Variants in EQTN observed in about 807,000 individuals in gnomAD.
EQTN encodes the protein equatorin.
Under a neutral mutation model 26.9 loss-of-function variants are expected in EQTN, and 29 were observed. That is an observed-to-expected ratio of 1.08 (90% CI 0.80 to 1.47). The LOEUF (loss-of-function observed/expected upper bound fraction) is 1.47. Among genes scored for constraint, EQTN ranks in the 40% most tolerant of loss-of-function variants. EQTN has a pLI of 0.00. For missense variants in EQTN, 391 were observed against 346.1 expected, an observed-to-expected ratio of 1.13 and a Z score of -1.03; for synonymous variants, 129 against 120.0, an observed-to-expected ratio of 1.07 and a Z score of -0.49.
chr9:27,292,426 G>C lies in EQTN; in HGVS notation c.351C>G (p.Ser117Arg). The part of the protein sequence containing the change: ...KSTIEEETTT[S>R]EPSHKNIQRS... ...TTTGAATATTTTTATGAGAGGGTTC[G>C]CTAGTAGTTGTTTCTTCTTCAATGG... Residue 117 changes from serine (S) to arginine (R), a missense_variant, in exon 4 of 8, where the codon AGC (serine) becomes AGG (arginine). Coordinates refer to ENST00000380032, the MANE Select transcript of EQTN (RefSeq NM_020641.3). 6.2e-7 allele frequency: 1 copy of C among 1,606,390 alleles called. No individual in the cohort carries two copies. The highest frequency in any genetic ancestry group is 8.5e-7 in the Non-Finnish European group (1 of 1,175,266).
Position 27,284,927 on chromosome 9 carries a change from G to A in EQTN, c.681C>T (p.Ala227=), listed in dbSNP as rs1372318899. 6.2e-7 allele frequency: 1 copy of A among 1,613,936 alleles called. No homozygotes were observed. The highest frequency in any genetic ancestry group is 8.5e-7 in the Non-Finnish European group (1 of 1,179,940). ...CTGATGGATGAAAGTAAGACATCGT[G>A]GCCAGCTCTGGGTTGACAGAGTACT... ...ESQYSVNPEL[A]TMSYFHPSEG... The change falls in exon 8 of 8, where the codon GCC becomes GCT. Residue 227 remains alanine (A), a synonymous_variant. Coordinates refer to ENST00000380032, the MANE Select transcript of EQTN (RefSeq NM_020641.3).
At chr9:27,295,175 C>G (rs1042251071) in intron 2 of EQTN, among the ~76,000 whole-genome samples, 5 of 152,126 alleles carry the variant, frequency 3.3e-5, no homozygotes, top group East Asian at 3.8e-4. Context: ...AATGTTCTCC[C>G]ACAAGATAAC....
intron 3 of EQTN, 143 bp from the exon 4 acceptor site, chr9:27,292,630 T>A: frequency 1.9e-6 from 1 of 530,446 alleles, no homozygotes; most frequent in Non-Finnish European, 3.2e-6. Context: ...ACATTAACAT[T>A]TTCCAGAAAT....
intron 1 of EQTN, 58 bp from the exon 2 acceptor site, chr9:27,296,796 T>C (rs1160524356): frequency 1.3e-6 from 2 of 1,580,650 alleles, no homozygotes; most frequent in Non-Finnish European, 1.7e-6. Context: ...TTTACTGCTT[T>C]CTTTTTCTAA....
At chr9:27,293,607 T>C (rs1820280416) in intron 3 of EQTN, among the ~76,000 whole-genome samples, 1 of 152,134 alleles carries the variant, frequency 6.6e-6, no homozygotes, top group Non-Finnish European at 1.5e-5. Context: ...CTTCCTTGGG[T>C]CCTGCAGTCT....
intron 3 of EQTN, among the ~76,000 whole-genome samples, chr9:27,292,899 T>TTAAG (rs1174607551): frequency 6.6e-6 from 1 of 152,158 alleles, no homozygotes; most frequent in Non-Finnish European, 1.5e-5. Flanking sequence ...AGGCTGAGTA[T>TTAAG]TAAGTGTGTT....
intron 2 of EQTN, 74 bp from the exon 3 acceptor site, chr9:27,294,476 T>A (rs1443735138): frequency 1.1e-6 from 1 of 872,868 alleles, no homozygotes; most frequent in Non-Finnish European, 1.7e-6. Context: ...TTCCTCTGAG[T>A]TTTTTTCTTA....
At chr9:27,287,420 A>G (rs1040611592) in intron 6 of EQTN, among the ~76,000 whole-genome samples, 6 of 152,200 alleles carry the variant, frequency 3.9e-5, no homozygotes, top group Admixed American at 6.5e-5. Context: ...AAGGGTTTTT[A>G]ATAAAGATGT....
At chr9:27,290,509 AATGCAT>A (rs1820213164) in intron 5 of EQTN, among the ~76,000 whole-genome samples, 1 of 152,266 alleles carries the variant, frequency 6.6e-6, no homozygotes, top group African/African-American at 2.4e-5. Context: ...TCACATATAC[AATGCAT>A]ATATTTCTGT....
Position 27,296,636 on chromosome 9 carries a change from T to C in EQTN, c.179A>G (p.Asn60Ser), listed in dbSNP as rs1348736537. ...ACATTGTTTTATATCTTTATAATAA[T>C]TGCCATTTTTCTCATTAGCAGGAGC... is the stretch of plus-strand genomic sequence containing the variant. ...NYAPANEKNG[N>S]YYKDIKQYVF... is the part of the protein sequence containing the mutation. The change falls in exon 2 of 8, where the codon AAT becomes AGT. Residue 60 changes from asparagine (N) to serine (S), a missense_variant. Asn to Ser is a conservative substitution (Grantham distance 46). Coordinates refer to ENST00000380032, the MANE Select transcript of EQTN (RefSeq NM_020641.3). The C allele has an allele frequency of 1.3e-6, 2 of 1,547,986 alleles. No homozygotes were observed. The highest frequency in any genetic ancestry group is 3.5e-5 in the Admixed American group (2 of 57,538).
Position 27,284,993 on chromosome 9 carries a change from T to G in EQTN, c.636-21A>C, listed in dbSNP as rs754491622. On this transcript the variant is annotated intron_variant, in intron 7 of 7. Transcript: ENST00000380032. ...TATAACTGAAGAAGAAAAGAACATA[T>G]ATCAAGAATTGTTTTTAATTGTGTA... The G allele has an allele frequency of 1.0e-5, 16 of 1,594,284 alleles. No homozygotes were observed. In the South Asian group the frequency reaches 1.6e-4, roughly 16 times the overall value.
Position 27,284,943 on chromosome 9 carries a change from A to T in EQTN, c.665T>A (p.Val222Asp). The part of the protein sequence containing the change: ...SYKSCESQYS[V>D]NPELATMSYF... ...AGACATCGTGGCCAGCTCTGGGTTG[A>T]CAGAGTACTGACTCTCACAACTTTT... The change falls in exon 8 of 8, where the codon GTC becomes GAC. Residue 222 changes from valine to aspartate, a missense_variant. Coordinates refer to ENST00000380032, the MANE Select transcript of EQTN (RefSeq NM_020641.3). 1.2e-6 allele frequency: 2 copies of T among 1,614,010 alleles called. No individual in the cohort carries two copies. Among genetic ancestry groups the T allele is most frequent in the Non-Finnish European group, 1.7e-6 (2 of 1,179,942 alleles).
chr9:27,287,432 T>C (rs891808355), intron 6 of EQTN, among the ~76,000 whole-genome samples: 2 of 152,206 alleles, frequency 1.3e-5, no homozygotes, highest in Admixed American at 6.5e-5. Flanking sequence ...TAAAGATGTG[T>C]GCTCATAGTA....
At position 27,289,569 on chromosome 9, in the gene EQTN, C is replaced by T. The variant is rs920275307; in HGVS notation, c.481+103G>A. On this transcript the variant is annotated intron_variant, in intron 6 of 7. Coordinates refer to ENST00000380032, the MANE Select transcript of EQTN (RefSeq NM_020641.3). ...TTTGTCATGTTGCCCAGGCTGGTCT[C>T]GAACTCCTGGACTCAAGCGATCCAC... The T allele has an allele frequency of 9.8e-5, 86 of 881,334 alleles. No individual in the cohort carries two copies. The Admixed American group carries it at 1.1e-3, about 11-fold the overall frequency. The allele number at this position is 881,334 out of a possible 1,614,324, so 54.6% of individuals were successfully genotyped here. A position where few individuals can be genotyped will look rare whatever the true frequency, so the allele number is the denominator to read the frequency against.
At chr9:27,290,534 T>C (rs753349126) in intron 5 of EQTN, among the ~76,000 whole-genome samples, 13 of 152,286 alleles carry the variant, frequency 8.5e-5, no homozygotes, top group Non-Finnish European at 1.8e-4. Context: ...GTGTGATACA[T>C]GCATTACCTT....
rs770704179 is a variant in EQTN, at chr9:27,286,376, G to A, written c.482-14C>T. The A allele has an allele frequency of 2.5e-6, 4 of 1,571,938 alleles. No individual in the cohort carries two copies. The highest frequency in any genetic ancestry group is 3.5e-6 in the Non-Finnish European group (4 of 1,157,134). ...TCACATCAGACTCTGAAAAGAAAGAGAATGCAGTGGAAAATAGGGTGTTCA... is the reference window on the plus strand; with the variant it reads ...TCACATCAGACTCTGAAAAGAAAGAAAATGCAGTGGAAAATAGGGTGTTCA... On this transcript the variant is annotated splice_polypyrimidine_tract_variant and intron_variant, in intron 6 of 7. Transcript: ENST00000380032.
Position 27,296,721 on chromosome 9 carries a change from G to C in EQTN, c.94C>G (p.Pro32Ala). The change falls in exon 2 of 8, where the codon CCT (proline) becomes GCT (alanine). Residue 32 changes from proline to alanine, a missense_variant. Physicochemically the swap from Pro to Ala is conservative, Grantham distance 27. Coordinates refer to ENST00000380032, the MANE Select transcript of EQTN (RefSeq NM_020641.3). ...TGCTTATTAACATCTTCATTTAAAG[G>C]TAGCACATTAGGCAATGCTAAAAAA... ...PTIEALPNVL[P>A]LNEDVNKQEE... The C allele has an allele frequency of 6.2e-7, 1 of 1,609,424 alleles. No individual in the cohort carries two copies. Among genetic ancestry groups the C allele is most frequent in the Non-Finnish European group, 8.5e-7 (1 of 1,178,646 alleles).
chr9:27,294,411 A>T lies in EQTN; in HGVS notation c.203-9T>A, dbSNP rs1820296444. 7 of 1,560,004 alleles carry T rather than the reference A, an allele frequency of 4.5e-6. No individual in the cohort carries two copies. Among genetic ancestry groups the T allele is most frequent in the Non-Finnish European group, 5.2e-6 (6 of 1,144,224 alleles). ...TTGTGTTGTGAACACATCTAAAAAC[A>T]AAAGCGAAAGTCTTCAGCAACTAGC... is the stretch of plus-strand genomic sequence containing the variant. On this transcript the variant is annotated splice_polypyrimidine_tract_variant and intron_variant, in intron 2 of 7. Coordinates refer to ENST00000380032, the MANE Select transcript of EQTN (RefSeq NM_020641.3).
In EQTN at chr9:27,292,410, T is replaced by C; in HGVS notation, c.367A>G (p.Asn123Asp). The change falls in exon 4 of 8, where the codon AAT becomes GAT. Residue 123 changes from asparagine (N) to aspartate (D), a missense_variant. Physicochemically the swap from Asn to Asp is conservative, Grantham distance 23 (BLOSUM62 1). Coordinates refer to ENST00000380032, the MANE Select transcript of EQTN (RefSeq NM_020641.3). ...ETTTSEPSHKNIQRSTPNVPA... is the reference protein window; with the variant it reads ...ETTTSEPSHKDIQRSTPNVPA... ...GTAGTAATTTAAATACTTTGAATAT[T>C]TTTATGAGAGGGTTCGCTAGTAGTT... 1 of 1,598,466 alleles carries C rather than the reference T, an allele frequency of 6.3e-7. No homozygotes were observed. The highest frequency in any genetic ancestry group is 1.1e-5 in the South Asian group (1 of 89,766).
Sources: allele counts gnomAD v4.1 joint callset (sites outside exome capture counted in the v4.1 genomes callset), GRCh38; gene constraint gnomAD v4.1.1; transcripts MANE v1.5; gene names NCBI Gene and HGNC (gene_info 2026-07-23, HGNC 2026-07-21).